Variants in LINGO2 observed in about 807,000 individuals in gnomAD.
LINGO2 encodes leucine-rich repeat and immunoglobulin-like domain-containing nogo receptor-interacting protein 2.
Under a neutral mutation model 30.6 loss-of-function variants are expected in LINGO2, and 14 were observed. That is an observed-to-expected ratio of 0.46 (90% CI 0.30 to 0.72). The LOEUF (loss-of-function observed/expected upper bound fraction) is 0.72, where lower values mean the gene tolerates loss of function less well. Ranked by LOEUF, LINGO2 falls within the 30% of genes least tolerant of loss-of-function variation. The pLI is 0.07. For missense variants in LINGO2, 729 were observed against 751.7 expected (o/e 0.97, Z 0.35); for synonymous variants, 317 against 288.5 (o/e 1.10, Z -1.00).
chr9:28,277,854 A>C (rs572664387), intron 4 of LINGO2, among the ~76,000 whole-genome samples: 6 of 151,240 alleles, frequency 4.0e-5, no homozygotes, highest in South Asian at 2.1e-4. Flanking sequence ...AAAAAACAAA[A>C]AAAAAAACAA....
At chr9:28,543,092 G>T (rs1821776347) in intron 1 of LINGO2, among the ~76,000 whole-genome samples, 1 of 151,880 alleles carries the variant, frequency 6.6e-6, no homozygotes, top group African/African-American at 2.4e-5. Context: ...ACAAATAATG[G>T]GCAAAATGAC....
intron 4 of LINGO2, among the ~76,000 whole-genome samples, chr9:28,263,537 A>G (rs1427535167): frequency 6.6e-6 from 1 of 152,014 alleles, no homozygotes; most frequent in African/African-American, 2.4e-5. Flanking sequence ...ACCTAAAATA[A>G]TATCACTTTC....
chr9:29,154,640 T>C, the LINGO2 span, among the ~76,000 whole-genome samples: 4 of 152,114 alleles, frequency 2.6e-5, no homozygotes, highest in Non-Finnish European at 5.9e-5. Context: ...ATTTACTATA[T>C]AATGTAATCA....
chr9:29,134,850 A>G, the LINGO2 span, among the ~76,000 whole-genome samples: 37 of 152,170 alleles, frequency 2.4e-4, no homozygotes, highest in African/African-American at 8.4e-4. Context: ...AAAGGTATAA[A>G]TCTTTAAGAG....
the LINGO2 span, among the ~76,000 whole-genome samples, chr9:29,199,717 A>G: frequency 2.0e-5 from 3 of 152,332 alleles, no homozygotes; most frequent in Non-Finnish European, 4.4e-5. Flanking sequence ...TGTGATTAGC[A>G]GTAATTGCTG....
At chr9:28,531,212 A>G (rs1274005975) in intron 1 of LINGO2, among the ~76,000 whole-genome samples, 1 of 152,058 alleles carries the variant, frequency 6.6e-6, no homozygotes, top group Non-Finnish European at 1.5e-5. Context: ...ATGACATATG[A>G]TCAGCTTCCC....
chr9:28,238,826 T>TAATGG (rs1821673467), intron 4 of LINGO2, among the ~76,000 whole-genome samples: 1 of 149,000 alleles, frequency 6.7e-6, no homozygotes, highest in African/African-American at 2.5e-5. Context: ...TGAAAATAAA[T>TAATGG]AACAGATAAA....
the LINGO2 span, among the ~76,000 whole-genome samples, chr9:29,060,322 C>G: frequency 1.6e-4 from 24 of 152,052 alleles, no homozygotes; most frequent in East Asian, 4.6e-3. Context: ...TTACATGAAC[C>G]CACAAAATTC....
chr9:28,028,215 G>C (rs183048898), intron 4 of LINGO2, among the ~76,000 whole-genome samples: 20 of 152,268 alleles, frequency 1.3e-4, no homozygotes, highest in Non-Finnish European at 2.4e-4. Context: ...ATACCAAAGA[G>C]CTTATATTGA....
chr9:28,142,226 T>C (rs1364039667), intron 4 of LINGO2, among the ~76,000 whole-genome samples: 1 of 150,440 alleles, frequency 6.6e-6, no homozygotes, highest in African/African-American at 2.4e-5. Context: ...GGTAAAGTAA[T>C]AAGGTGTTTC....
At chr9:28,481,104 T>C (rs1825946704) in intron 1 of LINGO2, among the ~76,000 whole-genome samples, 1 of 151,922 alleles carries the variant, frequency 6.6e-6, no homozygotes, top group Non-Finnish European at 1.5e-5. Context: ...GCCCCATTTC[T>C]AACTCCAAAG....
At chr9:28,993,319 A>G in the LINGO2 span, among the ~76,000 whole-genome samples, 4 of 152,074 alleles carry the variant, frequency 2.6e-5, no homozygotes, top group Non-Finnish European at 4.4e-5. Context: ...AAACCAGGAA[A>G]AAGTTGAATC....
chr9:28,221,426 TTCAAA>T, intron 4 of LINGO2, among the ~76,000 whole-genome samples: 1 of 151,778 alleles, frequency 6.6e-6, no homozygotes, highest in Non-Finnish European at 1.5e-5. Flanking sequence ...GTATGTATAC[TTCAAA>T]TCATCATGTT....
the LINGO2 span, among the ~76,000 whole-genome samples, chr9:28,959,587 ATCTCTC>A: frequency 9.3e-6 from 1 of 107,532 alleles, no homozygotes; most frequent in East Asian, 3.3e-4. Flanking sequence ...CTTTTCTTTT[ATCTCTC>A]TCTCTCTCTC....
chr9:28,451,033 G>C (rs534584404), intron 2 of LINGO2, among the ~76,000 whole-genome samples: 1 of 151,886 alleles, frequency 6.6e-6, no homozygotes, highest in East Asian at 1.9e-4. Flanking sequence ...TAGTTTAAAA[G>C]ACTACAATTG....
the LINGO2 span, among the ~76,000 whole-genome samples, chr9:28,904,951 G>A: frequency 9.9e-5 from 15 of 152,054 alleles, no homozygotes; most frequent in African/African-American, 2.6e-4. Flanking sequence ...AAACACAACA[G>A]AGAGCCCAAA....
chr9:28,017,936 CA>C (rs1822922184), intron 4 of LINGO2, among the ~76,000 whole-genome samples: 1 of 152,164 alleles, frequency 6.6e-6, no homozygotes, highest in Non-Finnish European at 1.5e-5. Flanking sequence ...GGAGGCATCA[CA>C]CGACCTGACT....
chr9:28,545,727 A>G (rs1036060390), intron 1 of LINGO2, among the ~76,000 whole-genome samples: 40 of 152,064 alleles, frequency 2.6e-4, no homozygotes, highest in African/African-American at 7.2e-4. Flanking sequence ...TGAAGAAAGG[A>G]CCCACTTAGA....
the LINGO2 span, among the ~76,000 whole-genome samples, chr9:28,897,060 A>G: frequency 6.6e-6 from 1 of 152,154 alleles, no homozygotes; most frequent in Non-Finnish European, 1.5e-5. Context: ...TTCCATGGAA[A>G]AAAGGAAGAC....
Sources: allele counts gnomAD v4.1 joint callset (sites outside exome capture counted in the v4.1 genomes callset), GRCh38; gene constraint gnomAD v4.1.1; transcripts MANE v1.5; gene names NCBI Gene and HGNC (gene_info 2026-07-23, HGNC 2026-07-21).